The following TTLL6 variants were observed in gnomAD, a reference collection of about 807,000 sequenced individuals.
TTLL6 encodes the protein tubulin polyglutamylase TTLL6.
TTLL6 carries 75 observed loss-of-function variants against 96.4 expected under a neutral mutation model. The ratio of observed to expected loss-of-function variants is 0.78; its 90% CI spans 0.65 to 0.94. The LOEUF is 0.94. Among genes scored for constraint, TTLL6 ranks in the 40% least tolerant of loss-of-function variants. TTLL6 has a pLI of 0.00. For missense variants in TTLL6, 1,030 were observed against 1,093.0 expected, an observed-to-expected ratio of 0.94 and a Z score of 0.81; for synonymous variants, 411 against 419.4, an observed-to-expected ratio of 0.98 and a Z score of 0.24.
intron 13 of TTLL6, among the ~76,000 whole-genome samples, chr17:48,784,712 C>T (rs899312525): frequency 6.6e-6 from 1 of 152,160 alleles, no homozygotes; most frequent in African/African-American, 2.4e-5. Flanking sequence ...GGATAACCTG[C>T]CTCCCAAGAG....
At chr17:48,774,691 G>A (rs868701903) in intron 13 of TTLL6, among the ~76,000 whole-genome samples, 14 of 151,878 alleles carry the variant, frequency 9.2e-5, no homozygotes, top group South Asian at 2.1e-4. Context: ...ACAAACTGCC[G>A]AAATTCATTC....
rs2039311421 is a variant in TTLL6 at position 48,796,075 on chromosome 17, G to A, written c.984C>T (p.His328=). ...KHSSNFSRDA[H]SGSKRKLSTF... ...CTCTTCCTTACCTCTTACTGCCAGA[G>A]TGTGCATCTCGACTGAAATTTGAAC... Residue 328 remains histidine (H), a synonymous_variant, in exon 8 of 16, where the codon CAC becomes CAT. Transcript: ENST00000393382. 4 of 1,551,264 alleles carry A rather than the reference G, an allele frequency of 2.6e-6. No individual in the cohort carries two copies. The Admixed American group carries it at 5.9e-5, about 23-fold the overall frequency.
chr17:48,789,984 C>T lies in TTLL6; in HGVS notation c.1347G>A (p.Glu449=), dbSNP rs1309146107. 6.2e-7 allele frequency: 1 copy of T among 1,614,236 alleles called. No homozygotes were observed. The highest frequency in any genetic ancestry group is 2.2e-5 in the East Asian group (1 of 44,890). The part of the protein sequence containing the change: ...LESCDKKKVL[E]EERQRGQFLQ... ...GGAACTGCCCCCGTTGTCTCTCCTC[C>T]TCCAAGACTTTCTTCTTGTCACAGC... is the stretch of plus-strand genomic sequence containing the variant. Residue 449 remains glutamate (E), a synonymous_variant, in exon 10 of 16, where the codon GAG becomes GAA. Coordinates refer to ENST00000393382, the MANE Select transcript of TTLL6 (RefSeq NM_001130918.3).
At chr17:48,789,748 G>C (rs1218628464) in intron 10 of TTLL6, among the ~76,000 whole-genome samples, 183 bp downstream of exon 10, 2 of 151,938 alleles carry the variant, frequency 1.3e-5, no homozygotes, top group Non-Finnish European at 1.5e-5. Flanking sequence ...GTAGAGACGG[G>C]GTTTCACCAT....
intron 1 of TTLL6, among the ~76,000 whole-genome samples, chr17:48,816,056 T>C (rs1287352479): frequency 6.6e-6 from 1 of 152,214 alleles, no homozygotes; most frequent in African/African-American, 2.4e-5. Flanking sequence ...GATAATAATA[T>C]TCATTTTATG....
intron 13 of TTLL6, among the ~76,000 whole-genome samples, chr17:48,772,263 T>C (rs1405084672): frequency 1.3e-5 from 2 of 152,130 alleles, no homozygotes; most frequent in African/African-American, 4.8e-5. Flanking sequence ...GGTAGGTGGA[T>C]TGCTTGAGGC....
chr17:48,800,460 A>AGTAACCAT (rs2039389905), intron 5 of TTLL6, among the ~76,000 whole-genome samples: 1 of 152,244 alleles, frequency 6.6e-6, no homozygotes, highest in Non-Finnish European at 1.5e-5. Flanking sequence ...AATGTTCCTC[A>AGTAACCAT]GTAACCATGA....
At chr17:48,767,503 A>G (rs1050860393) in intron 15 of TTLL6, among the ~76,000 whole-genome samples, 7 of 152,214 alleles carry the variant, frequency 4.6e-5, no homozygotes, top group African/African-American at 1.4e-4. Context: ...GCATTTTTAC[A>G]GGAACCCAAG....
chr17:48,800,001 C>T (rs1045459516), intron 5 of TTLL6: 3 of 511,528 alleles, frequency 5.9e-6, no homozygotes, highest in African/African-American at 3.8e-5. Context: ...TGGTGCAACC[C>T]TTTGCAAGGA....
At chr17:48,806,605 A>C (rs2039508661) in intron 1 of TTLL6, among the ~76,000 whole-genome samples, 1 of 152,066 alleles carries the variant, frequency 6.6e-6, no homozygotes, top group Admixed American at 6.6e-5. Flanking sequence ...AATACATTAC[A>C]ATGTATTATC....
intron 15 of TTLL6, among the ~76,000 whole-genome samples, chr17:48,768,000 A>G (rs2038649358): frequency 6.6e-6 from 1 of 152,196 alleles, no homozygotes; most frequent in South Asian, 2.1e-4. Context: ...ATCTCCATAT[A>G]TGACTATCTC....
chr17:48,767,152 C>G (rs1234222440), intron 15 of TTLL6, among the ~76,000 whole-genome samples: 1 of 152,118 alleles, frequency 6.6e-6, no homozygotes, highest in East Asian at 1.9e-4. Flanking sequence ...ATCTGCCCAC[C>G]TCGGCCTCCC....
chr17:48,804,625 T>G, intron 2 of TTLL6, 147 bp downstream of exon 2: 1 of 709,470 alleles, frequency 1.4e-6, no homozygotes, highest in Non-Finnish European at 2.4e-6. Context: ...TAGATTCTTT[T>G]TATATGAACC....
chr17:48,804,948 C>T lies in TTLL6; in HGVS notation c.147G>A (p.Met49Ile). 1 of 1,551,756 alleles carries T rather than the reference C, an allele frequency of 6.4e-7. No homozygotes were observed. Among genetic ancestry groups the T allele is most frequent in the Non-Finnish European group, 8.7e-7 (1 of 1,146,970 alleles). The change falls in exon 2 of 16, where the codon ATG (methionine) becomes ATA (isoleucine). Residue 49 changes from methionine to isoleucine, a missense_variant. Met to Ile is a conservative substitution (Grantham distance 10, BLOSUM62 1). Transcript: ENST00000393382. ...GGCTTTCCAAAGTCGGGCACTGTGG[C>T]ATCTCCCTGGCCTGGGAGGAGGCTC... ...FPRASSQARE[M>I]PQCPTLESQE...
intron 7 of TTLL6, among the ~76,000 whole-genome samples, chr17:48,796,834 C>T (rs1232450800): frequency 3.9e-5 from 6 of 152,052 alleles, no homozygotes; most frequent in Non-Finnish European, 8.8e-5. Flanking sequence ...AGCTGTGTGA[C>T]CTTGGACAAG....
chr17:48,771,126 G>C (rs1325643927), intron 13 of TTLL6, among the ~76,000 whole-genome samples: 1 of 152,180 alleles, frequency 6.6e-6, no homozygotes. Context: ...CAGAGAAACA[G>C]AGTGTAAATT....
chr17:48,770,510 G>GTTATTATTATTATTATTA (rs145832180), intron 13 of TTLL6, among the ~76,000 whole-genome samples: 4,372 of 147,810 alleles, frequency 0.03, 139 homozygotes, highest in East Asian at 0.077. Flanking sequence ...TATTGTTGTT[G>GTTATTATTATTATTATTA]TTATTATTAT....
chr17:48,775,839 C>T (rs997808267), intron 13 of TTLL6, among the ~76,000 whole-genome samples: 1 of 152,056 alleles, frequency 6.6e-6, no homozygotes, highest in Non-Finnish European at 1.5e-5. Flanking sequence ...CTGCACCTAG[C>T]CTCATCCATC....
intron 15 of TTLL6, among the ~76,000 whole-genome samples, chr17:48,764,879 T>C (rs2038565660): frequency 6.6e-6 from 1 of 152,148 alleles, no homozygotes. Context: ...CTCTGCTTGG[T>C]CTTTGTCATA....
Sources: allele counts gnomAD v4.1 joint callset (sites outside exome capture counted in the v4.1 genomes callset), GRCh38; gene constraint gnomAD v4.1.1; transcripts MANE v1.5; gene names NCBI Gene and HGNC (gene_info 2026-07-23, HGNC 2026-07-21).